ITGA1: variants seen among roughly 807,000 people sequenced by gnomAD.
The protein encoded by ITGA1 is integrin alpha-1.
In ITGA1, 85 loss-of-function variants were observed where a neutral mutation model predicts 145.9. The observed-to-expected ratio is 0.58, with a 90% CI of 0.49 to 0.70. ITGA1 has a LOEUF of 0.70. Among genes scored for constraint, ITGA1 ranks in the 30% least tolerant of loss-of-function variants. ITGA1 has a pLI of 0.00. For missense variants in ITGA1, 1,351 were observed against 1,418.7 expected (o/e 0.95, Z 0.77); for synonymous variants, 520 against 495.3 (o/e 1.05, Z -0.66).
At chr5:52,889,651 AG>A (rs1750112351) in intron 8 of ITGA1, 1 of 152,266 alleles carries the variant, frequency 6.6e-6, no homozygotes, top group Non-Finnish European at 1.5e-5. Flanking sequence ...GGGTGGGGGC[AG>A]CCCTCAAGCC....
intron 9 of ITGA1, among the ~76,000 whole-genome samples, chr5:52,894,637 G>A (rs1750199446): frequency 6.6e-6 from 1 of 152,142 alleles, no homozygotes; most frequent in African/African-American, 2.4e-5. Context: ...ACTAGGGAGA[G>A]AAACCACCAG....
chr5:52,888,809 G>C (rs992950235), intron 8 of ITGA1, among the ~76,000 whole-genome samples: 1 of 152,206 alleles, frequency 6.6e-6, no homozygotes, highest in African/African-American at 2.4e-5. Flanking sequence ...AGGTGAGGGA[G>C]CTGAGAAAGA....
At chr5:52,790,422 T>C (rs1748215831) in intron 1 of ITGA1, among the ~76,000 whole-genome samples, 1 of 152,186 alleles carries the variant, frequency 6.6e-6, no homozygotes, top group Non-Finnish European at 1.5e-5. Context: ...AATTTACTAT[T>C]GTACAGTTCT....
At chr5:52,838,889 G>C (rs1011170060) in intron 1 of ITGA1, among the ~76,000 whole-genome samples, 2 of 152,106 alleles carry the variant, frequency 1.3e-5, no homozygotes, top group Non-Finnish European at 2.9e-5. Context: ...TCGAGCCCAG[G>C]AGTTCAAAAC....
At chr5:52,914,889 T>C (rs907447675) in intron 14 of ITGA1, among the ~76,000 whole-genome samples, 1 of 152,226 alleles carries the variant, frequency 6.6e-6, no homozygotes, top group Non-Finnish European at 1.5e-5. Flanking sequence ...CATACTCATT[T>C]GTGCCATCTC....
chr5:52,905,981 T>A, intron 12 of ITGA1, 73 bp downstream of exon 12: 1 of 1,379,798 alleles, frequency 7.2e-7, no homozygotes, highest in Non-Finnish European at 9.9e-7. Flanking sequence ...TCTATTGTCC[T>A]AAACTTAAAA....
At chr5:52,801,950 A>G in intron 1 of ITGA1, 2 of 753,288 alleles carry the variant, frequency 2.7e-6, no homozygotes, top group South Asian at 3.8e-5. Flanking sequence ...TGATTCATAC[A>G]GGGATTTCTT....
At chr5:52,814,393 C>T (rs952019983) in intron 1 of ITGA1, among the ~76,000 whole-genome samples, 4 of 152,132 alleles carry the variant, frequency 2.6e-5, no homozygotes, top group Non-Finnish European at 5.9e-5. Flanking sequence ...CTACCCCAGG[C>T]TCCCAAAGTG....
At chr5:52,805,335 G>T (rs17275890) in intron 1 of ITGA1, among the ~76,000 whole-genome samples, 38,306 of 151,972 alleles carry the variant, frequency 0.25, 5,217 homozygotes, top group Non-Finnish European at 0.3. Flanking sequence ...AGGATCGATT[G>T]GAGGAGGCAA....
chr5:52,923,562 G>A (rs1190029526), intron 18 of ITGA1, among the ~76,000 whole-genome samples: 1 of 152,072 alleles, frequency 6.6e-6, no homozygotes, highest in African/African-American at 2.4e-5. Context: ...GGTTTGCCCT[G>A]GTAACATTAG....
intron 6 of ITGA1, among the ~76,000 whole-genome samples, chr5:52,870,448 TTG>T (rs1491306485): frequency 9.0e-5 from 3 of 33,152 alleles, no homozygotes; most frequent in African/African-American, 6.1e-4. Context: ...ATGAATGTAG[TTG>T]TAAGATTTGT....
chr5:52,788,282 A>G lies in ITGA1; in HGVS notation c.-72A>G. 1 of 1,225,804 alleles carries G rather than the reference A, an allele frequency of 8.2e-7. No homozygotes were observed. The highest frequency in any genetic ancestry group is 1.1e-6 in the Non-Finnish European group (1 of 929,808). 75.9% of individuals were successfully genotyped at this position (1,225,804 alleles called of 1,614,324 possible). A position where few individuals can be genotyped will look rare whatever the true frequency, so the allele number is the denominator to read the frequency against. On this transcript the variant is annotated 5_prime_UTR_variant, in exon 1 of 29. Coordinates refer to ENST00000282588, the MANE Select transcript of ITGA1 (RefSeq NM_181501.2). ...GCAGCGGGATAAGTGGCCCAGCCAG[A>G]GAGCGCAGCTCCCGCGCCCGGTCCT...
chr5:52,788,339 G>T lies in ITGA1; in HGVS notation c.-15G>T. ...CGAACCAGCGCGGCCCCCTGGCGCT[G>T]AGGCTGCTCCGGCCATGGCCCCTCG... On this transcript the variant is annotated 5_prime_UTR_variant, in exon 1 of 29. Transcript: ENST00000282588. The T allele has an allele frequency of 6.7e-7, 1 of 1,499,422 alleles. No homozygotes were observed. Among genetic ancestry groups the T allele is most frequent in the Non-Finnish European group, 8.9e-7 (1 of 1,129,858 alleles). 92.9% of individuals were successfully genotyped at this position (1,499,422 alleles called of 1,614,324 possible). A position where few individuals can be genotyped will look rare whatever the true frequency, so the allele number is the denominator to read the frequency against.
chr5:52,885,053 A>C (rs1750026056), intron 7 of ITGA1, among the ~76,000 whole-genome samples: 1 of 152,282 alleles, frequency 6.6e-6, no homozygotes, highest in South Asian at 2.1e-4. Flanking sequence ...CTTACTTACT[A>C]TTATTAGTTT....
chr5:52,918,577 CT>C (rs1302427635), intron 15 of ITGA1, among the ~76,000 whole-genome samples, 154 bp from the exon 16 acceptor site: 7 of 152,154 alleles, frequency 4.6e-5, no homozygotes, highest in African/African-American at 1.7e-4. Flanking sequence ...GATATAATCT[CT>C]TCTGTAACAA....
At chr5:52,901,129 G>C (rs6872338) in intron 11 of ITGA1, among the ~76,000 whole-genome samples, 83,619 of 151,892 alleles carry the variant, frequency 0.55, 23,414 homozygotes, top group African/African-American at 0.64. Flanking sequence ...AAAAATCAGA[G>C]AACCTCTCCT....
Position 52,925,299 on chromosome 5 carries a change from G to T in ITGA1, c.2425G>T (p.Gly809Ter). The T allele has an allele frequency of 6.2e-7, 1 of 1,613,862 alleles. No homozygotes were observed. The highest frequency in any genetic ancestry group is 8.5e-7 in the Non-Finnish European group (1 of 1,179,830). The change falls in exon 19 of 29, where the codon GGA (glycine) becomes TGA (stop). Residue 809 changes from glycine to a stop codon, truncating the protein, a stop_gained. Coordinates refer to ENST00000282588, the MANE Select transcript of ITGA1 (RefSeq NM_181501.2). LOFTEE classifies it high-confidence loss of function. ...TCAGATTCCCTTTGCCAAAGATTGT[G>T]GAAATAAGGAAAAATGTATCTCAGA... is the stretch of plus-strand genomic sequence containing the variant. ...HEYIPFAKDCGNKEKCISDLS... is the reference protein window; with the variant it reads ...HEYIPFAKDC
rs751215941 is a variant in ITGA1, at chr5:52,898,248, A to C, written c.1174A>C (p.Met392Leu). Residue 392 changes from methionine to leucine, a missense_variant, in exon 11 of 29, where the codon ATG (methionine) becomes CTG (leucine). Coordinates refer to ENST00000282588, the MANE Select transcript of ITGA1 (RefSeq NM_181501.2). Reference sequence around the variant, plus strand: ...TTTATTTGCATGTAAGGACTGGGTCATGCTTGGAGCAGTAGGAGCCTATGA... The same window carrying C: ...TTTATTTGCATGTAAGGACTGGGTCCTGCTTGGAGCAGTAGGAGCCTATGA... ...FSAHYSQDWV[M>L]LGAVGAYDWN... 2.5e-6 allele frequency: 4 copies of C among 1,576,760 alleles called. No individual in the cohort carries two copies. The African/African-American group carries it at 5.4e-5, about 21-fold the overall frequency.
At chr5:52,834,574 A>AAAGAAAGAAAGAGAG (rs1377932290) in intron 1 of ITGA1, among the ~76,000 whole-genome samples, 47 of 149,896 alleles carry the variant, frequency 3.1e-4, no homozygotes, top group African/African-American at 4.5e-4. Context: ...AAGAGAGAAG[A>AAAGAAAGAAAGAGAG]AAGAAAGAAA....
Sources: gnomAD v4.1 joint callset for allele counts (sites outside exome capture counted in the v4.1 genomes callset) on GRCh38, gnomAD v4.1.1 for gene constraint, MANE v1.5 for transcripts, NCBI Gene and HGNC (gene_info 2026-07-23, HGNC 2026-07-21) for gene names.